Variants in EXOC6 observed in about 807,000 individuals in gnomAD.
The protein encoded by EXOC6 is exocyst complex component 6, also known as SEC15-like 1.
In EXOC6, 60 loss-of-function variants were observed where a neutral mutation model predicts 112.5. The observed-to-expected ratio is 0.53, with a 90% CI of 0.43 to 0.66. EXOC6 has a LOEUF of 0.66. EXOC6 is among the 30% of genes least tolerant of loss of function. The pLI is 0.00. For synonymous variants in EXOC6, 295 were observed against 308.0 expected (o/e 0.96, Z 0.44); for missense variants, 855 against 957.1 (o/e 0.89, Z 1.41).
intron 5 of EXOC6, among the ~76,000 whole-genome samples, chr10:92,908,107 T>A (rs1458058883): frequency 7.4e-6 from 1 of 134,272 alleles, no homozygotes; most frequent in Non-Finnish European, 1.5e-5. Context: ...TCACCCACGC[T>A]GGAATGCAGT....
Position 92,909,506 on chromosome 10 carries a change from C to T in EXOC6, c.538C>T (p.Leu180Phe). 6.2e-7 allele frequency: 1 copy of T among 1,613,436 alleles called. No individual in the cohort carries two copies. The highest frequency in any genetic ancestry group is 8.5e-7 in the Non-Finnish European group (1 of 1,179,560). ...GGTTAGTCAATACCGGTTTTGTCAG[C>T]TCATGATAGAAAATCTTCCCAAACT... ...PWVSQYRFCQ[L>F]MIENLPKLRE... The change falls in exon 6 of 22, where the codon CTC (leucine) becomes TTC (phenylalanine). Residue 180 changes from leucine (L) to phenylalanine (F), a missense_variant. Physicochemically the swap from Leu to Phe is conservative, Grantham distance 22. Coordinates refer to ENST00000260762, the MANE Select transcript of EXOC6 (RefSeq NM_019053.6).
chr10:92,967,747 A>G (rs1564870807), intron 17 of EXOC6, among the ~76,000 whole-genome samples: 1 of 152,204 alleles, frequency 6.6e-6, no homozygotes, highest in Non-Finnish European at 1.5e-5. Context: ...GATAGGAGCA[A>G]TCAGACTCTC....
At chr10:92,883,937 C>T (rs1003469155) in intron 1 of EXOC6, among the ~76,000 whole-genome samples, 21 of 151,922 alleles carry the variant, frequency 1.4e-4, no homozygotes, top group Non-Finnish European at 2.6e-4. Flanking sequence ...TGCTCTGTTG[C>T]CCAGGCTGGA....
At chr10:92,948,573 C>CCACTACTACTACTACT (rs1554900785) in intron 14 of EXOC6, among the ~76,000 whole-genome samples, 194 bp downstream of exon 14, 1 of 140,174 alleles carries the variant, frequency 7.1e-6, no homozygotes, top group African/African-American at 2.7e-5. Context: ...CTACTACTAC[C>CCACTACTACTACTACT]ACTACTACTA....
intron 8 of EXOC6, among the ~76,000 whole-genome samples, chr10:92,922,854 G>A (rs550150364): frequency 3.9e-5 from 6 of 152,084 alleles, no homozygotes; most frequent in Non-Finnish European, 8.8e-5. Context: ...TATAGTGTGC[G>A]AATTGCTGCC....
At chr10:93,002,368 A>G (rs1055249069) in intron 19 of EXOC6, among the ~76,000 whole-genome samples, 10 of 152,212 alleles carry the variant, frequency 6.6e-5, no homozygotes, top group Admixed American at 4.6e-4. Flanking sequence ...CCTGTTATTC[A>G]TATCCTTAGA....
intron 20 of EXOC6, among the ~76,000 whole-genome samples, chr10:93,049,039 T>A (rs1846146079): frequency 6.6e-6 from 1 of 151,996 alleles, no homozygotes; most frequent in Non-Finnish European, 1.5e-5. Flanking sequence ...AAACACCTTG[T>A]ACATAAATGT....
At position 92,896,177 on chromosome 10, in the gene EXOC6, ATATATTTTTTTTTTTTTTTTTT is replaced by A. The variant is rs1434885333; in HGVS notation, c.412+1159_412+1180del. Among the ~76,000 whole-genome samples the A allele has an allele frequency of 8.7e-3, 141 of 16,154 alleles. 10 individuals carry two copies. Among genetic ancestry groups the A allele is most frequent in the African/African-American group, 0.033 (109 of 3,346 alleles). The allele number at this position is 16,154 out of a possible 152,430, so 10.6% of individuals were successfully genotyped here. A position where few individuals can be genotyped will look rare whatever the true frequency, so the allele number is the denominator to read the frequency against. On this transcript the variant is annotated intron_variant, in intron 4 of 21. Coordinates refer to ENST00000260762, the MANE Select transcript of EXOC6 (RefSeq NM_019053.6). ...TATATATATATATATATATATATAT[ATATATTTTTTTTTTTTTTTTTT>A]TTTTTTTTTTTTTTTTTTGGCGGAG...
At chr10:92,922,241 C>T (rs747507938) in intron 8 of EXOC6, among the ~76,000 whole-genome samples, 51 of 152,236 alleles carry the variant, frequency 3.4e-4, no homozygotes, top group South Asian at 2.3e-3. Context: ...CCACCGTGGC[C>T]GGCCACTAAT....
At chr10:92,848,893 G>C (rs1401819122) in intron 1 of EXOC6, among the ~76,000 whole-genome samples, 1 of 152,072 alleles carries the variant, frequency 6.6e-6, no homozygotes, top group Non-Finnish European at 1.5e-5. Context: ...GGCTGCTGCA[G>C]GGTCTCTAAC....
At chr10:92,918,933 C>G (rs1323226986) in intron 7 of EXOC6, among the ~76,000 whole-genome samples, 1 of 152,162 alleles carries the variant, frequency 6.6e-6, no homozygotes, top group Non-Finnish European at 1.5e-5. Flanking sequence ...CAGCTTCAAA[C>G]AGTTAAATGC....
intron 1 of EXOC6, among the ~76,000 whole-genome samples, chr10:92,852,385 T>C (rs949635448): frequency 6.6e-6 from 1 of 152,136 alleles, no homozygotes; most frequent in African/African-American, 2.4e-5. Context: ...AACATTAACC[T>C]GATACCAGAA....
At chr10:93,016,145 T>A (rs1222073778) in intron 20 of EXOC6, among the ~76,000 whole-genome samples, 1 of 152,172 alleles carries the variant, frequency 6.6e-6, no homozygotes, top group African/African-American at 2.4e-5. Flanking sequence ...ATTTGTTTAT[T>A]TATTTATGAG....
chr10:93,043,381 C>T (rs778081709), intron 20 of EXOC6, among the ~76,000 whole-genome samples: 1 of 152,140 alleles, frequency 6.6e-6, no homozygotes, highest in East Asian at 1.9e-4. Context: ...TACTTTCAAC[C>T]GATCTGTAAA....
At chr10:92,974,985 C>T (rs1279469501) in intron 18 of EXOC6, among the ~76,000 whole-genome samples, 1 of 151,936 alleles carries the variant, frequency 6.6e-6, no homozygotes, top group Non-Finnish European at 1.5e-5. Context: ...GCCCGGCCGC[C>T]ACCCCGTCTG....
At chr10:93,053,034 T>C (rs1846374250) in intron 20 of EXOC6, among the ~76,000 whole-genome samples, 1 of 152,200 alleles carries the variant, frequency 6.6e-6, no homozygotes, top group Non-Finnish European at 1.5e-5. Flanking sequence ...TTTTTCATAA[T>C]GTAGATCTTA....
intron 19 of EXOC6, 131 bp from the exon 20 acceptor site, chr10:93,014,060 AAAT>A (rs1489265877): frequency 7.5e-6 from 5 of 670,756 alleles, no homozygotes; most frequent in Non-Finnish European, 9.9e-6. Flanking sequence ...TGAAGTTTAT[AAAT>A]AATCTTCATT....
At chr10:93,002,178 T>C (rs967332337) in intron 19 of EXOC6, among the ~76,000 whole-genome samples, 2 of 152,280 alleles carry the variant, frequency 1.3e-5, no homozygotes, top group East Asian at 1.9e-4. Context: ...ATTTTTCTTA[T>C]CCTATATATA....
intron 20 of EXOC6, among the ~76,000 whole-genome samples, chr10:93,031,906 A>G (rs1845294169): frequency 6.6e-6 from 1 of 152,224 alleles, no homozygotes; most frequent in Admixed American, 6.5e-5. Context: ...ATGAAGATAT[A>G]TGCCATTTCT....
Sources: gnomAD v4.1 joint callset for allele counts (sites outside exome capture counted in the v4.1 genomes callset) on GRCh38, gnomAD v4.1.1 for gene constraint, MANE v1.5 for transcripts, NCBI Gene and HGNC (gene_info 2026-07-23, HGNC 2026-07-21) for gene names.